TRUB1: variants seen among roughly 807,000 people sequenced by gnomAD.
TRUB1 encodes the protein pseudouridylate synthase TRUB1.
In TRUB1, 23 loss-of-function variants were observed where a neutral mutation model predicts 33.9. The ratio of observed to expected loss-of-function variants is 0.68; its 90% CI spans 0.49 to 0.96. TRUB1 has a LOEUF of 0.96. TRUB1 is among the 40% of genes least tolerant of loss of function. TRUB1 has a pLI of 0.00. For synonymous variants in TRUB1, 163 were observed against 165.4 expected, an observed-to-expected ratio of 0.99 and a Z score of 0.11; for missense variants, 378 against 422.2, an observed-to-expected ratio of 0.90 and a Z score of 0.92.
chr10:114,972,008 T>G (rs572065171), intron 5 of TRUB1, 127 bp from the exon 6 acceptor site: 4 of 1,032,140 alleles, frequency 3.9e-6, no homozygotes, highest in East Asian at 5.2e-5. Flanking sequence ...AGGATTTTCA[T>G]TGTGAAGCAC....
In TRUB1 at chr10:114,964,906, T is replaced by G. The variant is rs2084300387; in HGVS notation, c.523+5099T>G. Among the ~76,000 whole-genome samples the G allele has an allele frequency of 1.3e-5, 2 of 151,972 alleles. 1 individual carries two copies. The highest frequency in any genetic ancestry group is 3.8e-4 in the East Asian group (2 of 5,208). On this transcript the variant is annotated intron_variant, in intron 4 of 7. Coordinates refer to ENST00000298746, the MANE Select transcript of TRUB1 (RefSeq NM_139169.5). ...GGAAGAACAAGTCCTTCCTGCTTTATTTCTTATAGATTTTTTTCTATAGGT... is the reference window on the plus strand; with the variant it reads ...GGAAGAACAAGTCCTTCCTGCTTTAGTTCTTATAGATTTTTTTCTATAGGT...
rs775897597 is a variant in TRUB1, at chr10:114,970,399, T to C, written c.555T>C (p.Ile185=). Residue 185 remains isoleucine (I), a synonymous_variant, in exon 5 of 8, where the codon ATT becomes ATC. Coordinates refer to ENST00000298746, the MANE Select transcript of TRUB1 (RefSeq NM_139169.5). ...TAACACAAGAAGATATTGAAGGCAT[T>C]CTACAGAAATTTACTGGAAATATAA... ...DKITQEDIEG[I]LQKFTGNIMQ... is the part of the protein sequence containing the mutation. The C allele has an allele frequency of 5.6e-6, 9 of 1,612,394 alleles. No homozygotes were observed. Among genetic ancestry groups the C allele is most frequent in the Non-Finnish European group, 4.2e-6 (5 of 1,178,990 alleles).
At chr10:114,966,123 TATC>T (rs1385844754) in intron 4 of TRUB1, among the ~76,000 whole-genome samples, 3 of 152,150 alleles carry the variant, frequency 2.0e-5, no homozygotes, top group Non-Finnish European at 2.9e-5. Context: ...TGAACATATT[TATC>T]ATCATAAAAG....
intron 3 of TRUB1, 110 bp downstream of exon 3, chr10:114,951,259 A>G: frequency 1.4e-6 from 1 of 727,108 alleles, no homozygotes; most frequent in South Asian, 1.8e-5. Flanking sequence ...AATGGGTATC[A>G]TTCCTGAGTA....
intron 3 of TRUB1, among the ~76,000 whole-genome samples, chr10:114,953,598 T>TA (rs2084246952): frequency 6.6e-6 from 1 of 152,184 alleles, no homozygotes; most frequent in African/African-American, 2.4e-5. Flanking sequence ...TATAGATACA[T>TA]ACATTTATGA....
chr10:114,959,737 C>T lies in TRUB1; in HGVS notation c.453C>T (p.Ala151=), dbSNP rs145375733. 1.3e-3 allele frequency: 2,039 copies of T among 1,606,744 alleles called. 35 individuals carry two copies. In the South Asian group the frequency reaches 0.021, roughly 17 times the overall value. Reference sequence around the variant, plus strand: ...TTCCCTTCCTCTAGAGATATACTGCCATTGGAGAACTGGGGAAAGCTACTG... The same window carrying T: ...TTCCCTTCCTCTAGAGATATACTGCTATTGGAGAACTGGGGAAAGCTACTG... ...SMLSGSKRYT[A]IGELGKATDT... The change falls in exon 4 of 8, where the codon GCC becomes GCT. Residue 151 remains alanine, a synonymous_variant. Transcript: ENST00000298746.
intron 3 of TRUB1, among the ~76,000 whole-genome samples, chr10:114,951,449 A>C (rs2084235035): frequency 6.6e-6 from 1 of 152,242 alleles, no homozygotes; most frequent in Admixed American, 6.5e-5. Flanking sequence ...AGAGGTCATA[A>C]ACTCTAGTGA....
chr10:114,973,094 C>T (rs1223580617), intron 6 of TRUB1, among the ~76,000 whole-genome samples: 1 of 151,870 alleles, frequency 6.6e-6, no homozygotes, highest in Admixed American at 6.6e-5. Context: ...TTTTTATTGG[C>T]ATTATTGTTT....
intron 5 of TRUB1, among the ~76,000 whole-genome samples, chr10:114,970,850 C>G (rs1466871329): frequency 6.6e-6 from 1 of 152,178 alleles, no homozygotes; most frequent in Non-Finnish European, 1.5e-5. Flanking sequence ...TGGGACCATT[C>G]CTATTGGGCA....
chr10:114,977,527 T>G lies in TRUB1; in HGVS notation c.*2148T>G, dbSNP rs1337715366. On this transcript the variant is annotated 3_prime_UTR_variant, in exon 8 of 8. Coordinates refer to ENST00000298746, the MANE Select transcript of TRUB1 (RefSeq NM_139169.5). ...GCATTCCCAAAGAGTTGTAACATTT[T>G]ACAGTGTTACCATTTGAGTAGGGGT... 1 of 152,088 alleles carries G rather than the reference T, an allele frequency of 6.6e-6. No individual in the cohort carries two copies. The highest frequency in any genetic ancestry group is 1.9e-4 in the East Asian group (1 of 5,202). 9.4% of individuals were successfully genotyped at this position (152,088 alleles called of 1,614,324 possible).
chr10:114,958,259 A>G (rs995655429), intron 3 of TRUB1, among the ~76,000 whole-genome samples: 4 of 152,174 alleles, frequency 2.6e-5, no homozygotes, highest in African/African-American at 9.7e-5. Flanking sequence ...AGAAGCAGGA[A>G]TGGGTGTCTC....
intron 5 of TRUB1, among the ~76,000 whole-genome samples, chr10:114,970,790 G>A (rs1469209843): frequency 1.3e-5 from 2 of 152,344 alleles, no homozygotes; most frequent in Non-Finnish European, 2.9e-5. Flanking sequence ...GTCTGGGAGG[G>A]AAGTCAGAGC....
intron 4 of TRUB1, among the ~76,000 whole-genome samples, chr10:114,964,360 G>A (rs2084297653): frequency 6.6e-6 from 1 of 151,296 alleles, no homozygotes; most frequent in South Asian, 2.1e-4. Flanking sequence ...TTATACATTT[G>A]TATGAGTTTT....
Position 114,972,168 on chromosome 10 carries a change from T to G in TRUB1, c.630T>G (p.Leu210=), listed in dbSNP as rs1301108924. The change falls in exon 6 of 8, where the codon CTT becomes CTG. Residue 210 remains leucine, a synonymous_variant. Coordinates refer to ENST00000298746, the MANE Select transcript of TRUB1 (RefSeq NM_139169.5). ...CATTAAAGAAAGATGGACAAAGACTTTCGACTTTGATGAAGAGAGGTGAAG... is the reference window on the plus strand; with the variant it reads ...CATTAAAGAAAGATGGACAAAGACTGTCGACTTTGATGAAGAGAGGTGAAG... ...YSALKKDGQR[L]STLMKRGEVV... is the part of the protein sequence containing the mutation. 1 of 1,613,646 alleles carries G rather than the reference T, an allele frequency of 6.2e-7. No homozygotes were observed. Among genetic ancestry groups the G allele is most frequent in the African/African-American group, 1.3e-5 (1 of 75,018 alleles).
At chr10:114,938,667 C>A in intron 1 of TRUB1, 128 bp downstream of exon 1, 1 of 1,083,418 alleles carries the variant, frequency 9.2e-7, no homozygotes, top group Non-Finnish European at 1.3e-6. Context: ...ATTGAATTAG[C>A]TCTGGACAGG....
intron 2 of TRUB1, among the ~76,000 whole-genome samples, chr10:114,943,219 T>C (rs2084196273): frequency 6.6e-6 from 1 of 152,194 alleles, no homozygotes; most frequent in African/African-American, 2.4e-5. Context: ...GTGATCATCC[T>C]GTCAAATCCC....
chr10:114,944,957 A>G (rs1036822299), intron 2 of TRUB1, among the ~76,000 whole-genome samples: 1 of 152,198 alleles, frequency 6.6e-6, no homozygotes, highest in Non-Finnish European at 1.5e-5. Flanking sequence ...TGCACCCCAA[A>G]AAAACAAGCA....
intron 5 of TRUB1, among the ~76,000 whole-genome samples, 176 bp downstream of exon 5, chr10:114,970,616 A>G (rs2084332324): frequency 6.6e-6 from 1 of 152,162 alleles, no homozygotes; most frequent in South Asian, 2.1e-4. Context: ...ACACTCTAAG[A>G]GGCAGTGGAA....
intron 2 of TRUB1, among the ~76,000 whole-genome samples, chr10:114,948,384 C>T (rs2084220264): frequency 6.6e-6 from 1 of 152,090 alleles, no homozygotes; most frequent in African/African-American, 2.4e-5. Flanking sequence ...TGTAAAATTT[C>T]ATTTTGTTCT....
Sources: allele counts gnomAD v4.1 joint callset (sites outside exome capture counted in the v4.1 genomes callset), GRCh38; gene constraint gnomAD v4.1.1; transcripts MANE v1.5; gene names NCBI Gene and HGNC (gene_info 2026-07-23, HGNC 2026-07-21).